PUSL1: variants seen among roughly 807,000 people sequenced by gnomAD.
PUSL1 encodes the protein tRNA pseudouridine synthase-like 1.
In PUSL1, 51 loss-of-function variants were observed where a neutral mutation model predicts 30.7. The observed-to-expected ratio is 1.66, with a 90% CI of 1.33 to 2.10. The LOEUF is 2.10. PUSL1 is among the 30% of genes most tolerant of loss of function. PUSL1 has a pLI of 0.00. For synonymous variants in PUSL1, 290 were observed against 192.1 expected (o/e 1.51, Z -4.21); for missense variants, 609 against 427.6 (o/e 1.42, Z -3.74).
rs187699906 is a variant in PUSL1 at position 1,309,780 on chromosome 1, C to T, written c.573C>T (p.Pro191=). 7.2e-4 allele frequency: 1,132 copies of T among 1,565,340 alleles called. 1 individual carries two copies. Among genetic ancestry groups the T allele is most frequent in the Non-Finnish European group, 9.1e-4 (1,046 of 1,155,306 alleles). ...CCGCTGGCAGCCCGGTGCCGAGCCC[C>T]GTGCGAACGCTGCGCCGGGTCTCCG... ...FQSAGSPVPS[P]VRTLRRVSVS... The change falls in exon 5 of 8, where the codon CCC becomes CCT. Residue 191 remains proline (P), a synonymous_variant. Coordinates refer to ENST00000379031, the MANE Select transcript of PUSL1 (RefSeq NM_153339.3).
chr1:1,310,444 T>C (rs1416312626), intron 5 of PUSL1, 190 bp from the exon 6 acceptor site: 5 of 617,272 alleles, frequency 8.1e-6, no homozygotes, highest in Non-Finnish European at 1.2e-5. Flanking sequence ...AAGCATTGTT[T>C]CTCTGGTTTT....
At position 1,311,573 on chromosome 1, in the gene PUSL1, G is replaced by A. The variant is rs1246621828; in HGVS notation, c.*194G>A. On this transcript the variant is annotated 3_prime_UTR_variant, in exon 8 of 8. Coordinates refer to ENST00000379031, the MANE Select transcript of PUSL1 (RefSeq NM_153339.3). ...GGGGCACAGTGCAGGACACAGCCAT[G>A]TACACCAAGAAGAGAGTACCAAGTA... The A allele has an allele frequency of 5.5e-6, 4 of 728,014 alleles. No homozygotes were observed. Among genetic ancestry groups the A allele is most frequent in the African/African-American group, 1.7e-5 (1 of 57,756 alleles). The allele number at this position is 728,014 out of a possible 1,614,324, so 45.1% of individuals were successfully genotyped here. A position where few individuals can be genotyped will look rare whatever the true frequency, so the allele number is the denominator to read the frequency against.
In PUSL1 at chr1:1,308,658, G is replaced by T. The variant is rs1570679555; in HGVS notation, c.15G>T (p.Pro5=). 1 of 1,530,828 alleles carries T rather than the reference G, an allele frequency of 6.5e-7. No homozygotes were observed. The highest frequency in any genetic ancestry group is 2.2e-4 in the Middle Eastern group (1 of 4,650). The allele number at this position is 1,530,828 out of a possible 1,614,324, so 94.8% of individuals were successfully genotyped here. A position where few individuals can be genotyped will look rare whatever the true frequency, so the allele number is the denominator to read the frequency against. The change falls in exon 1 of 8, where the codon CCG becomes CCT. Residue 5 remains proline, a synonymous_variant. Transcript: ENST00000379031. ...TGGGCTCCGCCATGAGTTCGGCGCC[G>T]GCCTCAGGCTCCGTGCGCGCGCGCT... MSSA[P]ASGSVRARYL...
Position 1,309,131 on chromosome 1 carries a change from A to G in PUSL1, c.181A>G (p.Ile61Val). Reference sequence around the variant, plus strand: ...TTCCGTGGAGCCGGTCAGGTTCACCATCTCCAGCCGCACGGACGCCGGGGT... The same window carrying G: ...TTCCGTGGAGCCGGTCAGGTTCACCGTCTCCAGCCGCACGGACGCCGGGGT... ...LNSVEPVRFT[I>V]SSRTDAGVHA... is the part of the protein sequence containing the mutation. Residue 61 changes from isoleucine (I) to valine (V), a missense_variant, in exon 3 of 8, where the codon ATC becomes GTC. Ile to Val is a conservative substitution (Grantham distance 29). Coordinates refer to ENST00000379031, the MANE Select transcript of PUSL1 (RefSeq NM_153339.3). 1.3e-6 allele frequency: 2 copies of G among 1,527,642 alleles called. No individual in the cohort carries two copies. The highest frequency in any genetic ancestry group is 1.7e-6 in the Non-Finnish European group (2 of 1,145,144). 94.6% of individuals were successfully genotyped at this position (1,527,642 alleles called of 1,614,324 possible). A position where few individuals can be genotyped will look rare whatever the true frequency, so the allele number is the denominator to read the frequency against.
intron 6 of PUSL1, 77 bp from the exon 7 acceptor site, chr1:1,310,832 G>A (rs777410522): frequency 1.6e-5 from 25 of 1,608,986 alleles, no homozygotes; most frequent in Non-Finnish European, 2.0e-5. Context: ...GGCGGCTCTG[G>A]GTCACAGGTA....
rs546423846 is a variant in PUSL1 at position 1,309,068 on chromosome 1, C to G, written c.136-18C>G. 3.6e-4 allele frequency: 512 copies of G among 1,415,676 alleles called. 8 individuals are homozygous for G. The Middle Eastern group carries it at 5.7e-3, about 16-fold the overall frequency. 87.7% of individuals were successfully genotyped at this position (1,415,676 alleles called of 1,614,324 possible). A position where few individuals can be genotyped will look rare whatever the true frequency, so the allele number is the denominator to read the frequency against. On this transcript the variant is annotated intron_variant, in intron 2 of 7. Transcript: ENST00000379031. ...TCCGGCCTCGCTCACCCGCCCGCCCCGCGGCTCGGTCCTGCAGGAGGCCGC... is the reference window on the plus strand; with the variant it reads ...TCCGGCCTCGCTCACCCGCCCGCCCGGCGGCTCGGTCCTGCAGGAGGCCGC...
Position 1,309,245 on chromosome 1 carries a change from AAC to A in PUSL1, c.302_303del (p.His101ProfsTer41). 1 of 1,504,318 alleles carries A rather than the reference AAC, an allele frequency of 6.6e-7. No individual in the cohort carries two copies. The highest frequency in any genetic ancestry group is 8.8e-7 in the Non-Finnish European group (1 of 1,132,824). 93.2% of individuals were successfully genotyped at this position (1,504,318 alleles called of 1,614,324 possible). On this transcript the variant is annotated frameshift_variant, in exon 3 of 8. Coordinates refer to ENST00000379031, the MANE Select transcript of PUSL1 (RefSeq NM_153339.3). LOFTEE classifies it high-confidence loss of function. ...FPPEVLAEAL[N>X]THLRHPAIRV... ...GCCCGAGGTCCTGGCCGAGGCCCTC[AAC>A]ACACACCTGCGGCACCCGGCCATCA... is the stretch of plus-strand genomic sequence containing the variant.
At chr1:1,309,994 C>A in intron 5 of PUSL1, 143 bp downstream of exon 5, 1 of 610,086 alleles carries the variant, frequency 1.6e-6, no homozygotes, top group Non-Finnish European at 2.8e-6. Context: ...GGAGGGGATT[C>A]GCCCGGACGC....
At chr1:1,310,714 C>T (rs112794315) in intron 6 of PUSL1, 26 bp downstream of exon 6, 1 of 1,612,226 alleles carries the variant, frequency 6.2e-7, no homozygotes, top group Non-Finnish European at 8.5e-7. Flanking sequence ...GGGCCGTCCC[C>T]AGGGGGTGGG....
At chr1:1,309,407 C>A (rs1387679111) in intron 3 of PUSL1, 47 bp from the exon 4 acceptor site, 1 of 1,534,522 alleles carries the variant, frequency 6.5e-7, no homozygotes, top group African/African-American at 1.4e-5. Context: ...TGTGACACCG[C>A]GGGCGGGCGG....
chr1:1,310,636 A>C lies in PUSL1; in HGVS notation c.647A>C (p.Lys216Thr). The stretch of plus-strand genomic sequence containing the variant: ...CCTACAGGTACGTATTTTTCCAGGA[A>C]GCTGCGGTTCTGGAACCTGGAGTTT... ...SPLVTPEESR[K>T]LRFWNLEFES... The change falls in exon 6 of 8, where the codon AAG becomes ACG. Residue 216 changes from lysine (K) to threonine (T), a missense_variant and splice_region_variant. By Grantham distance (78) the Lys-to-Thr change is moderately conservative. Coordinates refer to ENST00000379031, the MANE Select transcript of PUSL1 (RefSeq NM_153339.3). The C allele has an allele frequency of 6.4e-7, 1 of 1,566,728 alleles. No homozygotes were observed. Among genetic ancestry groups the C allele is most frequent in the Non-Finnish European group, 8.7e-7 (1 of 1,153,398 alleles).
chr1:1,308,805 C>G (rs1641915527), intron 1 of PUSL1, 85 bp downstream of exon 1: 3 of 1,448,632 alleles, frequency 2.1e-6, no homozygotes, highest in Non-Finnish European at 2.8e-6. Flanking sequence ...GCGGATGTCT[C>G]TGGACGCGGG....
In PUSL1 at chr1:1,311,322, G is replaced by A. The variant is rs778951463; in HGVS notation, c.863-8G>A. 49 of 1,563,154 alleles carry A rather than the reference G, an allele frequency of 3.1e-5. No homozygotes were observed. Among genetic ancestry groups the A allele is most frequent in the Middle Eastern group, 1.8e-4 (1 of 5,630 alleles). ...CCCAGGCTGACGCAGGGTCTGGTCC[G>A]TCCACAGGTGCTGCCTCCTGCACCC... On this transcript the variant is annotated splice_polypyrimidine_tract_variant and splice_region_variant and intron_variant, in intron 7 of 7. Coordinates refer to ENST00000379031, the MANE Select transcript of PUSL1 (RefSeq NM_153339.3).
intron 3 of PUSL1, 68 bp from the exon 4 acceptor site, chr1:1,309,386 A>T: frequency 6.7e-7 from 1 of 1,501,346 alleles, no homozygotes; most frequent in Non-Finnish European, 9.0e-7. Flanking sequence ...TCGAGGGGGA[A>T]GGAGAGCCAA....
intron 5 of PUSL1, chr1:1,310,236 C>T (rs983721448): frequency 8.7e-6 from 3 of 345,582 alleles, no homozygotes; most frequent in Non-Finnish European, 1.6e-5. Flanking sequence ...TTGGGGTGAG[C>T]CCTGAAGGGG....
At chr1:1,309,624 G>A (rs1570684475) in intron 4 of PUSL1, 21 bp downstream of exon 4, 1 of 1,598,018 alleles carries the variant, frequency 6.3e-7, no homozygotes, top group Non-Finnish European at 8.6e-7. Flanking sequence ...CCCTGACAGC[G>A]GGGAGGGGGC....
At chr1:1,310,720 G>C in intron 6 of PUSL1, 32 bp downstream of exon 6, 1 of 1,610,120 alleles carries the variant, frequency 6.2e-7, no homozygotes, top group Non-Finnish European at 8.5e-7. Flanking sequence ...TCCCCAGGGG[G>C]TGGGGCTGAG....
chr1:1,311,600 T>A lies in PUSL1; in HGVS notation c.*221T>A, dbSNP rs1426238747. The A allele has an allele frequency of 2.8e-6, 2 of 716,230 alleles. No homozygotes were observed. The highest frequency in any genetic ancestry group is 4.0e-5 in the Admixed American group (2 of 49,928). The allele number at this position is 716,230 out of a possible 1,614,324, so 44.4% of individuals were successfully genotyped here. A position where few individuals can be genotyped will look rare whatever the true frequency, so the allele number is the denominator to read the frequency against. On this transcript the variant is annotated 3_prime_UTR_variant, in exon 8 of 8. Coordinates refer to ENST00000379031, the MANE Select transcript of PUSL1 (RefSeq NM_153339.3). ...ACACCAAGAAGAGAGTACCAAGTAG[T>A]CTTTTGTTCAGCTTTTACTGGAAAC...
Position 1,309,696 on chromosome 1 carries a change from C to T in PUSL1, c.489C>T (p.Val163=), listed in dbSNP as rs1483677666. The T allele has an allele frequency of 3.1e-6, 5 of 1,595,652 alleles. No individual in the cohort carries two copies. Among genetic ancestry groups the T allele is most frequent in the South Asian group, 2.2e-5 (2 of 90,066 alleles). The stretch of plus-strand genomic sequence containing the variant: ...GTCCCTGAAGCTGCCTGGATATGGT[C>T]GCCATGCAGGAAGCCGCCCAGCACC... ...WTLPADCLDM[V]AMQEAAQHLL... is the part of the protein sequence containing the mutation. The change falls in exon 5 of 8, where the codon GTC becomes GTT. Residue 163 remains valine (V), a synonymous_variant. Transcript: ENST00000379031.
Sources: allele counts gnomAD v4.1 joint callset, GRCh38; gene constraint gnomAD v4.1.1; transcripts MANE v1.5; gene names NCBI Gene and HGNC (gene_info 2026-07-23, HGNC 2026-07-21).